SLC44A1: variants seen among roughly 807,000 people sequenced by gnomAD.
SLC44A1 encodes solute carrier family 44 member 1.
In SLC44A1, 26 loss-of-function variants were observed where a neutral mutation model predicts 79.3. That is an observed-to-expected ratio of 0.33 (90% CI 0.24 to 0.46). The LOEUF is 0.46. SLC44A1 is among the 20% of genes least tolerant of loss of function. The pLI, the probability that SLC44A1 is intolerant of heterozygous loss-of-function variation, is 1.00. For synonymous variants in SLC44A1, 263 were observed against 286.2 expected, an observed-to-expected ratio of 0.92 and a Z score of 0.82; for missense variants, 688 against 798.1, an observed-to-expected ratio of 0.86 and a Z score of 1.66.
At chr9:105,345,022 T>C (rs905910759) in intron 4 of SLC44A1, among the ~76,000 whole-genome samples, 7 of 152,166 alleles carry the variant, frequency 4.6e-5, no homozygotes, top group African/African-American at 1.7e-4. Flanking sequence ...TGTATGTTGT[T>C]TATTATGTTG....
At chr9:105,351,542 A>AAGAAAGAAAGAAAGAG (rs1159069615) in intron 5 of SLC44A1, among the ~76,000 whole-genome samples, 1 of 99,706 alleles carries the variant, frequency 1.0e-5, no homozygotes, top group East Asian at 2.7e-4. Flanking sequence ...GAAAGAAAGA[A>AAGAAAGAAAGAAAGAG]AGAAAGAAAG....
At chr9:105,361,147 C>A in intron 7 of SLC44A1, 44 bp from the exon 8 acceptor site, 1 of 1,591,150 alleles carries the variant, frequency 6.3e-7, no homozygotes, top group Admixed American at 1.7e-5. Context: ...TACACATTTT[C>A]TTATCCTAAT....
Position 105,366,357 on chromosome 9 carries a change from T to G in SLC44A1, c.1422T>G (p.Cys474Trp), listed in dbSNP as rs1287623497. 6.6e-7 allele frequency: 1 copy of G among 1,510,184 alleles called. No individual in the cohort carries two copies. The highest frequency in any genetic ancestry group is 8.9e-7 in the Non-Finnish European group (1 of 1,129,752). 93.5% of individuals were successfully genotyped at this position (1,510,184 alleles called of 1,614,324 possible). The change falls in exon 12 of 16, where the codon TGT (cysteine) becomes TGG (tryptophan). Residue 474 changes from cysteine (C) to tryptophan (W), a missense_variant. Physicochemically the swap from Cys to Trp is radical, Grantham distance 215 (BLOSUM62 -2). Transcript: ENST00000374720. ...TTTCCCCCATCCAGGAAAATGCTTG[T>G]GCACGATGTGTGCTGAAATCTTGCA... Reference protein sequence around the residue: ...HSQLKGKENACARCVLKSCIC... With the variant: ...HSQLKGKENAWARCVLKSCIC...
chr9:105,253,694 T>G (rs1205142637), intron 1 of SLC44A1, among the ~76,000 whole-genome samples: 1 of 152,188 alleles, frequency 6.6e-6, no homozygotes, highest in Non-Finnish European at 1.5e-5. Flanking sequence ...TGATCGTGCC[T>G]GTATTCCGGC....
At position 105,392,818 on chromosome 9, in the gene SLC44A1, T is replaced by A; in HGVS notation, c.*3762T>A. 1 of 985,440 alleles carries A rather than the reference T, an allele frequency of 1.0e-6. No homozygotes were observed. The highest frequency in any genetic ancestry group is 4.7e-5 in the South Asian group (1 of 21,290). 61.0% of individuals were successfully genotyped at this position (985,440 alleles called of 1,614,324 possible). On this transcript the variant is annotated 3_prime_UTR_variant, in exon 16 of 16. Transcript: ENST00000374720. ...ATGGTGACTTGAATATTTTATTTGATTTTTGGTCAGTAACCTTGTCATTTA... is the reference window on the plus strand; with the variant it reads ...ATGGTGACTTGAATATTTTATTTGAATTTTGGTCAGTAACCTTGTCATTTA...
chr9:105,284,362 G>A (rs1038142643), intron 1 of SLC44A1, among the ~76,000 whole-genome samples: 1 of 151,892 alleles, frequency 6.6e-6, no homozygotes, highest in Non-Finnish European at 1.5e-5. Context: ...ACTGCACCCG[G>A]TCCTGACAAG....
At chr9:105,295,589 A>G (rs973084145) in intron 1 of SLC44A1, among the ~76,000 whole-genome samples, 14 of 152,236 alleles carry the variant, frequency 9.2e-5, no homozygotes, top group African/African-American at 2.7e-4. Context: ...ATGGCTCATA[A>G]CACATCTCAC....
At chr9:105,286,440 T>C (rs1830479871) in intron 1 of SLC44A1, among the ~76,000 whole-genome samples, 1 of 152,248 alleles carries the variant, frequency 6.6e-6, no homozygotes, top group Admixed American at 6.5e-5. Flanking sequence ...AATGAGTTAA[T>C]ACAGGCAAAA....
intron 15 of SLC44A1, among the ~76,000 whole-genome samples, chr9:105,421,852 G>C (rs948253300): frequency 2.6e-5 from 4 of 152,200 alleles, no homozygotes; most frequent in African/African-American, 9.7e-5. Context: ...CTCCCAAAGT[G>C]CTGGGATTAC....
At chr9:105,422,600 C>T (rs1334676674) in intron 15 of SLC44A1, among the ~76,000 whole-genome samples, 1 of 151,888 alleles carries the variant, frequency 6.6e-6, no homozygotes, top group Non-Finnish European at 1.5e-5. Context: ...CCTTTATCAG[C>T]GGCCATGAGA....
chr9:105,274,135 C>T (rs1830142796), intron 1 of SLC44A1, among the ~76,000 whole-genome samples: 1 of 152,164 alleles, frequency 6.6e-6, no homozygotes, highest in African/African-American at 2.4e-5. Flanking sequence ...TGCTTATGCT[C>T]ATTATAGCAA....
At chr9:105,255,649 A>C (rs187480682) in intron 1 of SLC44A1, among the ~76,000 whole-genome samples, 1 of 152,182 alleles carries the variant, frequency 6.6e-6, no homozygotes, top group Non-Finnish European at 1.5e-5. Context: ...TGCCTTCCTC[A>C]GAAGTCCTTT....
intron 1 of SLC44A1, among the ~76,000 whole-genome samples, chr9:105,271,866 G>A (rs867179966): frequency 8.5e-5 from 13 of 152,050 alleles, no homozygotes; most frequent in South Asian, 2.1e-4. Context: ...CTCCTGCCTC[G>A]ACCTCCCAAA....
chr9:105,260,502 C>CTCTTAGTTAAG (rs1469259722), intron 1 of SLC44A1, among the ~76,000 whole-genome samples: 1 of 152,176 alleles, frequency 6.6e-6, no homozygotes, highest in Non-Finnish European at 1.5e-5. Flanking sequence ...CTAAGAATCA[C>CTCTTAGTTAAG]TCAGCTCTGA....
intron 1 of SLC44A1, among the ~76,000 whole-genome samples, chr9:105,268,130 G>A (rs1830001339): frequency 6.6e-6 from 1 of 152,118 alleles, no homozygotes; most frequent in Admixed American, 6.6e-5. Context: ...GGTAGAAGAG[G>A]GGCAGTTGTC....
chr9:105,351,703 A>G (rs1479063448), intron 5 of SLC44A1, among the ~76,000 whole-genome samples: 1 of 152,020 alleles, frequency 6.6e-6, no homozygotes, highest in Non-Finnish European at 1.5e-5. Context: ...ATCTGTTCAT[A>G]TTTTTCAATG....
Position 105,396,821 on chromosome 9 carries a change from A to C in SLC44A1, c.*7765A>C. On this transcript the variant is annotated 3_prime_UTR_variant, in exon 16 of 16. Coordinates refer to ENST00000374720, the MANE Select transcript of SLC44A1 (RefSeq NM_080546.5). Reference sequence around the variant, plus strand: ...CATTATAAACTGGAGGATCACAGTTAAGCCTTCCATGAATTCATAGTTTGG... The same window carrying C: ...CATTATAAACTGGAGGATCACAGTTCAGCCTTCCATGAATTCATAGTTTGG... 1.0e-6 allele frequency: 1 copy of C among 984,616 alleles called. No homozygotes were observed. Among genetic ancestry groups the C allele is most frequent in the Non-Finnish European group, 1.2e-6 (1 of 829,376 alleles). 61.0% of individuals were successfully genotyped at this position (984,616 alleles called of 1,614,324 possible).
chr9:105,414,036 A>G (rs902232820), intron 15 of SLC44A1, among the ~76,000 whole-genome samples: 2 of 150,018 alleles, frequency 1.3e-5, no homozygotes, highest in Non-Finnish European at 3.0e-5. Flanking sequence ...CTTTCGCTGG[A>G]CAGTTAGTGT....
At chr9:105,398,729 C>A (rs748224783), downstream of SLC44A1, among the ~76,000 whole-genome samples, 42 of 152,276 alleles carry the variant, frequency 2.8e-4, no homozygotes, top group Middle Eastern at 0.014. Flanking sequence ...AACTCTTACA[C>A]ATGTTGAAGG....
Sources: allele counts gnomAD v4.1 joint callset (sites outside exome capture counted in the v4.1 genomes callset), GRCh38; gene constraint gnomAD v4.1.1; transcripts MANE v1.5; gene names NCBI Gene and HGNC (gene_info 2026-07-23, HGNC 2026-07-21).